Variants in NAA25 observed in about 807,000 individuals in gnomAD.
NAA25 encodes the protein N-alpha-acetyltransferase 25, NatB auxiliary subunit, also known as N-terminal acetyltransferase B complex subunit NAA25.
NAA25 carries 30 observed loss-of-function variants against 132.5 expected under a neutral mutation model. The observed-to-expected ratio is 0.23, with a 90% CI of 0.17 to 0.31. The LOEUF is 0.31. Ranked by LOEUF, NAA25 falls within the 10% of genes least tolerant of loss-of-function variation. The probability of loss-of-function intolerance (pLI) is 1.00; values close to 1 mark genes in which losing one functional copy is unlikely to be tolerated. For synonymous variants in NAA25, 359 were observed against 401.9 expected (o/e 0.89, Z 1.28); for missense variants, 771 against 1,150.4 (o/e 0.67, Z 4.77).
intron 4 of NAA25, among the ~76,000 whole-genome samples, chr12:112,086,069 T>TACAC (rs2079048011): frequency 1.7e-5 from 1 of 58,468 alleles, no homozygotes; most frequent in African/African-American, 1.3e-4. Flanking sequence ...TATATATATA[T>TACAC]ATATACACAC....
chr12:112,080,564 G>A (rs973678520), intron 5 of NAA25, among the ~76,000 whole-genome samples: 1 of 151,918 alleles, frequency 6.6e-6, no homozygotes, highest in Non-Finnish European at 1.5e-5. Context: ...GCAGTGACAT[G>A]ATCTCGGCTC....
chr12:112,059,810 GTT>G (rs35524293), intron 13 of NAA25, among the ~76,000 whole-genome samples: 3 of 140,872 alleles, frequency 2.1e-5, no homozygotes, highest in African/African-American at 2.6e-5. Context: ...CTGGAGACAG[GTT>G]TTTTTTTTTT....
chr12:112,050,339 A>C (rs1167128902), intron 15 of NAA25, among the ~76,000 whole-genome samples: 1 of 152,144 alleles, frequency 6.6e-6, no homozygotes, highest in Non-Finnish European at 1.5e-5. Flanking sequence ...TGAATATCAA[A>C]GTATGTTGTC....
chr12:112,098,925 C>T (rs775421925), intron 1 of NAA25, among the ~76,000 whole-genome samples: 45 of 152,050 alleles, frequency 3.0e-4, no homozygotes, highest in Non-Finnish European at 6.0e-4. Context: ...TCTAATACTT[C>T]CTTTACATTA....
intron 6 of NAA25, 76 bp from the exon 7 acceptor site, chr12:112,078,342 A>G (rs766018702): frequency 2.7e-5 from 31 of 1,134,566 alleles, no homozygotes; most frequent in Non-Finnish European, 3.8e-5. Flanking sequence ...TAGGTTTTTA[A>G]AAAGTTATTT....
chr12:112,084,626 T>C (rs1446468264), intron 4 of NAA25, among the ~76,000 whole-genome samples: 2 of 151,218 alleles, frequency 1.3e-5, no homozygotes, highest in Admixed American at 6.6e-5. Context: ...CCATCTCTAC[T>C]ATAAATACAA....
Position 112,061,359 on chromosome 12 carries a change from A to G in NAA25, c.1179T>C (p.Pro393=). ...KFINQLLGVV[P]LSTPTEDKLA... The stretch of plus-strand genomic sequence containing the variant: ...GCTTATCCTCTGTTGGTGTCGACAA[A>G]GGAACAACTCCAAGTAACTGATTAA... The change falls in exon 12 of 24, where the codon CCT becomes CCC. Residue 393 remains proline (P), a synonymous_variant. Transcript: ENST00000261745. 3 of 1,614,170 alleles carry G rather than the reference A, an allele frequency of 1.9e-6. No individual in the cohort carries two copies. Among genetic ancestry groups the G allele is most frequent in the Non-Finnish European group, 2.5e-6 (3 of 1,180,004 alleles).
intron 20 of NAA25, among the ~76,000 whole-genome samples, chr12:112,041,129 A>T (rs1375673251): frequency 6.6e-6 from 1 of 151,908 alleles, no homozygotes; most frequent in Non-Finnish European, 1.5e-5. Context: ...CATCCTGAGC[A>T]ACACAACAAG....
At chr12:112,096,021 C>A (rs974632675) in intron 1 of NAA25, among the ~76,000 whole-genome samples, 1 of 152,054 alleles carries the variant, frequency 6.6e-6, no homozygotes, top group African/African-American at 2.4e-5. Flanking sequence ...TGGTAACAAA[C>A]GTATATGAAT....
chr12:112,081,180 A>C, intron 4 of NAA25, 46 bp from the exon 5 acceptor site: 1 of 1,494,266 alleles, frequency 6.7e-7, no homozygotes, highest in Non-Finnish European at 9.3e-7. Context: ...ACCATACAGA[A>C]GGGGATTAAT....
Position 112,033,498 on chromosome 12 carries a change from T to A in NAA25, c.2650-119A>T, listed in dbSNP as rs11066134. On this transcript the variant is annotated intron_variant, in intron 22 of 23. Coordinates refer to ENST00000261745, the MANE Select transcript of NAA25 (RefSeq NM_024953.4). ...ATAGTGGCATTTCAAACCAGTGGTTTCAAGTGAATGAATGGTACTAAAATA... is the reference window on the plus strand; with the variant it reads ...ATAGTGGCATTTCAAACCAGTGGTTACAAGTGAATGAATGGTACTAAAATA... 0.043 allele frequency: 37,504 copies of A among 862,192 alleles called. 8,192 individuals are homozygous for A. The East Asian group carries it at 0.64, about 15-fold the overall frequency. The allele number at this position is 862,192 out of a possible 1,614,324, so 53.4% of individuals were successfully genotyped here. A position where few individuals can be genotyped will look rare whatever the true frequency, so the allele number is the denominator to read the frequency against.
At chr12:112,078,101 A>G (rs766202509) in intron 7 of NAA25, 87 bp downstream of exon 7, 1 of 879,904 alleles carries the variant, frequency 1.1e-6, no homozygotes, top group Non-Finnish European at 1.8e-6. Context: ...ATGTCTTTAT[A>G]TCCTTATGTG....
chr12:112,090,318 T>C (rs1319418441), intron 3 of NAA25: 1 of 156,200 alleles, frequency 6.4e-6, no homozygotes, highest in African/African-American at 2.4e-5. Flanking sequence ...ATGGACTACT[T>C]AGGATATGCT....
chr12:112,106,797 T>C (rs770084282), intron 1 of NAA25, among the ~76,000 whole-genome samples: 12 of 150,716 alleles, frequency 8.0e-5, no homozygotes, highest in African/African-American at 2.2e-4. Flanking sequence ...CTACAATATA[T>C]ACAAAAATTA....
intron 3 of NAA25, among the ~76,000 whole-genome samples, chr12:112,089,115 T>C (rs2079095400): frequency 6.6e-6 from 1 of 152,128 alleles, no homozygotes; most frequent in Admixed American, 6.6e-5. Context: ...AAAAACAAAA[T>C]TGAAGCTGAG....
chr12:112,045,514 G>C (rs2078368048), intron 17 of NAA25, among the ~76,000 whole-genome samples: 1 of 150,948 alleles, frequency 6.6e-6, no homozygotes. Flanking sequence ...AAAAATAGGG[G>C]CTGGTTGCGA....
Position 112,049,455 on chromosome 12 carries a change from GA to G in NAA25, c.1729-1013del. 1.0e-6 allele frequency: 1 copy of G among 985,816 alleles called. No individual in the cohort carries two copies. Among genetic ancestry groups the G allele is most frequent in the Non-Finnish European group, 1.2e-6 (1 of 829,932 alleles). 61.1% of individuals were successfully genotyped at this position (985,816 alleles called of 1,614,324 possible). The stretch of plus-strand genomic sequence containing the variant: ...TACGTCTGAATAATTTGCCCAGTAG[GA>G]AAATAGGCCAATAGTCAACAACATA... On this transcript the variant is annotated intron_variant, in intron 15 of 23. Transcript: ENST00000261745. The surrounding 1 kb of genome is among the most constrained non-coding windows in gnomAD (Gnocchi z 4.7).
At chr12:112,080,055 C>T (rs183918075) in intron 5 of NAA25, among the ~76,000 whole-genome samples, 2,771 of 148,886 alleles carry the variant, frequency 0.019, 43 homozygotes, top group Admixed American at 0.033. Context: ...CCGAGGCGGG[C>T]GGATCACGAG....
intron 3 of NAA25, 119 bp downstream of exon 3, chr12:112,090,607 G>T: frequency 1.0e-6 from 1 of 975,786 alleles, no homozygotes. Context: ...TGGCTAATGC[G>T]TTATTCTACC....
Sources: allele counts gnomAD v4.1 joint callset (sites outside exome capture counted in the v4.1 genomes callset), GRCh38; gene constraint gnomAD v4.1.1; non-coding constraint Gnocchi (gnomAD v3.1); transcripts MANE v1.5; gene names NCBI Gene and HGNC (gene_info 2026-07-23, HGNC 2026-07-21).